The following UMODL1 variants were observed in gnomAD, a reference collection of about 807,000 sequenced individuals.
The protein encoded by UMODL1 is uromodulin-like 1.
Under a neutral mutation model 136.3 loss-of-function variants are expected in UMODL1, and 128 were observed. That is an observed-to-expected ratio of 0.94 (90% CI 0.81 to 1.09). The LOEUF is 1.09. Among genes scored for constraint, UMODL1 ranks in the 50% least tolerant of loss-of-function variants. The pLI is 0.00. For missense variants in UMODL1, 1,766 were observed against 1,725.6 expected, an observed-to-expected ratio of 1.02 and a Z score of -0.41; for synonymous variants, 721 against 720.0, an observed-to-expected ratio of 1.00 and a Z score of -0.02.
At chr21:42,121,400 A>T (rs2066970779) in intron 16 of UMODL1, among the ~76,000 whole-genome samples, 176 bp downstream of exon 16, 1 of 151,792 alleles carries the variant, frequency 6.6e-6, no homozygotes, top group South Asian at 2.1e-4. Flanking sequence ...GTATGTGTAC[A>T]TGTGTGTACG....
Position 42,085,142 on chromosome 21 carries a change from GT to G in UMODL1, c.482-148del. 1.0e-6 allele frequency: 1 copy of G among 976,100 alleles called. No homozygotes were observed. Among genetic ancestry groups the G allele is most frequent in the Non-Finnish European group, 1.5e-6 (1 of 668,602 alleles). 60.5% of individuals were successfully genotyped at this position (976,100 alleles called of 1,614,324 possible). ...GCAGTGAGGACATCCCCCGTCTCCT[GT>G]GGTAGATGTCTTTTTGCAGGGAGGT... On this transcript the variant is annotated intron_variant, in intron 3 of 22. Coordinates refer to ENST00000408910, the MANE Select transcript of UMODL1 (RefSeq NM_001004416.3). This position sits in a 1 kb window ranked among gnomAD's most constrained non-coding sequence, Gnocchi z 4.5.
chr21:42,126,467 C>T lies in UMODL1; in HGVS notation c.3270C>T (p.Ser1090=), dbSNP rs2067056580. 1 of 1,614,254 alleles carries T rather than the reference C, an allele frequency of 6.2e-7. No homozygotes were observed. The highest frequency in any genetic ancestry group is 1.3e-5 in the African/African-American group (1 of 75,078). The change falls in exon 18 of 23, where the codon TCC becomes TCT. Residue 1090 remains serine, a synonymous_variant. Transcript: ENST00000408910. ...CCTTCCAGAATGACCTGCTGACATC[C>T]TCCGGCTTCACCCTGGAGTGGGGGT... is the stretch of plus-strand genomic sequence containing the variant. ...YCAFQNDLLT[S]SGFTLEWGVY...
intron 6 of UMODL1, among the ~76,000 whole-genome samples, chr21:42,095,646 A>G (rs1008748001): frequency 6.6e-6 from 1 of 152,194 alleles, no homozygotes; most frequent in Non-Finnish European, 1.5e-5. Context: ...AGGGATTAGG[A>G]CTTGATATCT....
chr21:42,130,675 C>A (rs1178320909), intron 21 of UMODL1, among the ~76,000 whole-genome samples: 5 of 152,080 alleles, frequency 3.3e-5, no homozygotes, highest in Non-Finnish European at 5.9e-5. Flanking sequence ...AGAGGTGCAC[C>A]CTCCTTAAAA....
At chr21:42,063,039 C>T (rs1004969748) in exon 1 of UMODL1, 1 of 152,248 alleles carries the variant, frequency 6.6e-6, no homozygotes, top group African/African-American at 2.4e-5. Context: ...TCCTGGCATC[C>T]CGGGCTCATT....
At chr21:42,066,569 T>C (rs1338878042), upstream of UMODL1, among the ~76,000 whole-genome samples, 4 of 152,104 alleles carry the variant, frequency 2.6e-5, no homozygotes, top group Non-Finnish European at 4.4e-5. Flanking sequence ...GCCTCTCTGG[T>C]TTCCTAGGGA....
At chr21:42,141,084 T>A (rs1232673523) in intron 22 of UMODL1, among the ~76,000 whole-genome samples, 1 of 152,172 alleles carries the variant, frequency 6.6e-6, no homozygotes, top group Admixed American at 6.5e-5. Flanking sequence ...AGATAACAGA[T>A]TTTTGAAACA....
Position 42,116,223 on chromosome 21 carries a change from G to T in UMODL1, c.2475+238G>T, listed in dbSNP as rs78731538. On this transcript the variant is annotated intron_variant, in intron 14 of 22. Transcript: ENST00000408910. Reference sequence around the variant, plus strand: ...CAAAAAATGAGCCTGTCATGGTGGCGCATGTTTGTGACCTCAGCTACTCAG... The same window carrying T: ...CAAAAAATGAGCCTGTCATGGTGGCTCATGTTTGTGACCTCAGCTACTCAG... Among the ~76,000 whole-genome samples, 868 of 149,700 alleles carry T rather than the reference G, an allele frequency of 5.8e-3. 8 individuals carry two copies. The highest frequency in any genetic ancestry group is 0.02 in the African/African-American group (809 of 40,550).
intron 6 of UMODL1, among the ~76,000 whole-genome samples, chr21:42,092,036 C>T (rs931148816): frequency 4.6e-5 from 7 of 152,192 alleles, no homozygotes; most frequent in African/African-American, 1.4e-4. Context: ...AAGCCCCAAG[C>T]GAGCAAGCGG....
intron 15 of UMODL1, 136 bp from the exon 16 acceptor site, chr21:42,120,951 G>A (rs183494764): frequency 2.4e-4 from 272 of 1,137,960 alleles, no homozygotes; most frequent in Non-Finnish European, 1.9e-5. Flanking sequence ...TTCCAGAACT[G>A]GTGAGCTTGA....
At chr21:42,063,037 T>G (rs886464165) in exon 1 of UMODL1, 2 of 152,244 alleles carry the variant, frequency 1.3e-5, no homozygotes, top group African/African-American at 4.8e-5. Context: ...CTTCCTGGCA[T>G]CCCGGGCTCA....
chr21:42,064,087 C>T (rs220269), intron 1 of UMODL1, among the ~76,000 whole-genome samples: 52,470 of 151,982 alleles, frequency 0.35, 9,927 homozygotes, highest in Admixed American at 0.5. Context: ...GTCTGTCGAG[C>T]CCGAGGTGAA....
At chr21:42,105,633 G>A (rs759623179) in intron 9 of UMODL1, among the ~76,000 whole-genome samples, 4 of 152,184 alleles carry the variant, frequency 2.6e-5, no homozygotes, top group Non-Finnish European at 4.4e-5. Flanking sequence ...GACAAGAGGA[G>A]GAGACACAGA....
chr21:42,071,883 C>CAAAAAAA lies in UMODL1; in HGVS notation c.76+500_76+506dup, dbSNP rs71274595. Reference sequence around the variant, plus strand: ...CAACATCATGAGACCCCATGTGTACCAAAAAAAAAAAAAAATTAGCCAGCC... The same window carrying CAAAAAAA: ...CAACATCATGAGACCCCATGTGTACCAAAAAAAAAAAAAAAAAAAAAATTAGCCAGCC... On this transcript the variant is annotated intron_variant, in intron 1 of 22. Coordinates refer to ENST00000408910, the MANE Select transcript of UMODL1 (RefSeq NM_001004416.3). Among the ~76,000 whole-genome samples, 522 of 137,652 alleles carry CAAAAAAA rather than the reference C, an allele frequency of 3.8e-3. 8 individuals carry two copies. Among genetic ancestry groups the CAAAAAAA allele is most frequent in the Non-Finnish European group, 5.9e-3 (380 of 63,922 alleles). The allele number at this position is 137,652 out of a possible 152,430, so 90.3% of individuals were successfully genotyped here. A position where few individuals can be genotyped will look rare whatever the true frequency, so the allele number is the denominator to read the frequency against.
intron 1 of UMODL1, among the ~76,000 whole-genome samples, chr21:42,073,007 AGTGT>A (rs72241179): frequency 0.018 from 2,778 of 151,066 alleles, 32 homozygotes; most frequent in African/African-American, 0.027. Context: ...ACAGGAGATG[AGTGT>A]GTGTGTGTGT....
chr21:42,080,827 G>C (rs1307155748), intron 2 of UMODL1, among the ~76,000 whole-genome samples: 3 of 152,234 alleles, frequency 2.0e-5, no homozygotes, highest in South Asian at 2.1e-4. Flanking sequence ...TGTATCCACA[G>C]CAGCTTTCAT....
In UMODL1 at chr21:42,093,890, C is replaced by T. The variant is rs1460040060; in HGVS notation, c.931+3452C>T. ...CCGCAGCACGTGGCCTTGAGATCCACTTAGAACTTCGCGCCACGTCCACAT... is the reference window on the plus strand; with the variant it reads ...CCGCAGCACGTGGCCTTGAGATCCATTTAGAACTTCGCGCCACGTCCACAT... On this transcript the variant is annotated intron_variant, in intron 6 of 22. Transcript: ENST00000408910. 6.6e-6 allele frequency: 3 copies of T among 456,718 alleles called. No individual in the cohort carries two copies. In the Admixed American group the frequency reaches 7.0e-5, roughly 11 times the overall value. 28.3% of individuals were successfully genotyped at this position (456,718 alleles called of 1,614,324 possible).
intron 17 of UMODL1, among the ~76,000 whole-genome samples, chr21:42,125,997 GA>G (rs1199996719): frequency 6.6e-6 from 1 of 152,208 alleles, no homozygotes; most frequent in Non-Finnish European, 1.5e-5. Flanking sequence ...AAAGAAAAGG[GA>G]ATTTGTCTCT....
At chr21:42,118,102 C>A (rs916101113) in intron 14 of UMODL1, among the ~76,000 whole-genome samples, 1 of 152,212 alleles carries the variant, frequency 6.6e-6, no homozygotes, top group Admixed American at 6.5e-5. Context: ...TTCACCACTT[C>A]CTAGCAAGGG....
Sources: allele counts gnomAD v4.1 joint callset (sites outside exome capture counted in the v4.1 genomes callset), GRCh38; gene constraint gnomAD v4.1.1; non-coding constraint Gnocchi (gnomAD v3.1); transcripts MANE v1.5; gene names NCBI Gene and HGNC (gene_info 2026-07-23, HGNC 2026-07-21).